SLA2: variants seen among roughly 807,000 people sequenced by gnomAD.
SLA2 encodes the protein Src like adaptor 2, also known as src-like-adapter 2.
SLA2 carries 22 observed loss-of-function variants against 27.3 expected under a neutral mutation model. That is an observed-to-expected ratio of 0.81 (90% confidence interval 0.58 to 1.15). The LOEUF (loss-of-function observed/expected upper bound fraction) is 1.15. Among genes scored for constraint, SLA2 ranks in the 50% most tolerant of loss-of-function variants. The pLI is 0.00. For missense variants in SLA2, 304 were observed against 322.2 expected (o/e 0.94, Z 0.43); for synonymous variants, 131 against 137.8 (o/e 0.95, Z 0.34).
chr20:36,622,368 CAAAA>C (rs963203328), intron 5 of SLA2, among the ~76,000 whole-genome samples: 7 of 133,352 alleles, frequency 5.2e-5, no homozygotes, highest in African/African-American at 2.2e-4. Context: ...AAAAAAAAAA[CAAAA>C]AACTGAAAAA....
chr20:36,614,995 G>A, intron 6 of SLA2: 1 of 985,406 alleles, frequency 1.0e-6, no homozygotes, highest in Non-Finnish European at 1.2e-6. Context: ...GGTAGGCAAG[G>A]TACTGACCTG....
intron 5 of SLA2, among the ~76,000 whole-genome samples, chr20:36,626,894 C>T (rs112269439): frequency 2.7e-5 from 4 of 150,188 alleles, no homozygotes; most frequent in African/African-American, 9.8e-5. Context: ...ATTATAGCTA[C>T]AGAAGAGGTA....
chr20:36,641,149 C>A, intron 2 of SLA2, 96 bp downstream of exon 2: 1 of 1,031,440 alleles, frequency 9.7e-7, no homozygotes, highest in South Asian at 1.3e-5. Flanking sequence ...GCGGTGCTTA[C>A]ACTGTGTTGG....
rs1319885325 is a variant in SLA2, at chr20:36,634,557, T to G, written c.124A>C (p.Ser42Arg). 1.2e-6 allele frequency: 2 copies of G among 1,611,370 alleles called. No individual in the cohort carries two copies. The highest frequency in any genetic ancestry group is 1.7e-6 in the Non-Finnish European group (2 of 1,178,410). The change falls in exon 3 of 8, where the codon AGT becomes CGT. Residue 42 changes from serine (S) to arginine (R), a missense_variant. Transcript: ENST00000262866. The part of the protein sequence containing the change: ...RSKATAVALG[S>R]FPAGGPAELS... ...TCGGCCGGGCCACCTGCCGGGAAAC[T>G]GCCCAGGGCCACGGCTGTGGCCTTG...
chr20:36,644,187 G>A (rs570903580), intron 1 of SLA2, among the ~76,000 whole-genome samples: 2 of 152,224 alleles, frequency 1.3e-5, no homozygotes, highest in East Asian at 1.9e-4. Flanking sequence ...GTCTTGCTGT[G>A]TTGCCCAGGC....
At chr20:36,619,990 A>G (rs867962935) in intron 5 of SLA2, among the ~76,000 whole-genome samples, 2 of 151,458 alleles carry the variant, frequency 1.3e-5, no homozygotes, top group African/African-American at 4.9e-5. Flanking sequence ...AGTCACAGCT[A>G]CTCAGGAGGC....
chr20:36,626,073 A>T (rs2039334028), intron 5 of SLA2, among the ~76,000 whole-genome samples: 1 of 151,910 alleles, frequency 6.6e-6, no homozygotes. Context: ...AAGACCAGCC[A>T]GGGCAACATG....
chr20:36,639,685 C>G (rs1332414181), intron 2 of SLA2, among the ~76,000 whole-genome samples: 1 of 150,106 alleles, frequency 6.7e-6, no homozygotes, highest in Admixed American at 6.6e-5. Context: ...AACCCTGTCT[C>G]TACTAAAAAT....
At chr20:36,614,559 C>T (rs2039185055) in intron 6 of SLA2, 122 bp from the exon 7 acceptor site, 1 of 1,471,454 alleles carries the variant, frequency 6.8e-7, no homozygotes, top group Non-Finnish European at 8.9e-7. Flanking sequence ...AGTGATAGGA[C>T]ATGAGCCCCA....
At chr20:36,627,942 G>A (rs1166582541) in intron 5 of SLA2, among the ~76,000 whole-genome samples, 1 of 152,178 alleles carries the variant, frequency 6.6e-6, no homozygotes, top group Non-Finnish European at 1.5e-5. Context: ...GCTGATCCTG[G>A]CATCACTCAC....
intron 5 of SLA2, among the ~76,000 whole-genome samples, chr20:36,622,477 T>C (rs1207831422): frequency 2.0e-5 from 3 of 150,060 alleles, no homozygotes; most frequent in African/African-American, 4.9e-5. Context: ...ATGAATAGAA[T>C]ATGTTAGTTT....
At chr20:36,634,711 C>G in intron 2 of SLA2, 122 bp from the exon 3 acceptor site, 1 of 546,738 alleles carries the variant, frequency 1.8e-6, no homozygotes, top group Non-Finnish European at 3.3e-6. Context: ...CTGAGGGAGT[C>G]CCATCCACTT....
At position 36,613,525 on chromosome 20, in the gene SLA2, C is replaced by T. The variant is rs1313062591; in HGVS notation, c.*341G>A. The T allele has an allele frequency of 1.5e-5, 3 of 195,830 alleles. No individual in the cohort carries two copies. The highest frequency in any genetic ancestry group is 7.0e-5 in the African/African-American group (3 of 42,806). The allele number at this position is 195,830 out of a possible 1,614,324, so 12.1% of individuals were successfully genotyped here. ...AATGGTGGGGATGTAGAATGGGGCT[C>T]AACAGGCAGGGCATCCAGATGGTAC... is the stretch of plus-strand genomic sequence containing the variant. On this transcript the variant is annotated 3_prime_UTR_variant, in exon 8 of 8. Coordinates refer to ENST00000262866, the MANE Select transcript of SLA2 (RefSeq NM_032214.4).
chr20:36,614,615 G>C, intron 6 of SLA2, 178 bp from the exon 7 acceptor site: 3 of 985,380 alleles, frequency 3.0e-6, no homozygotes, highest in Non-Finnish European at 3.6e-6. Context: ...GTCTTTCTGG[G>C]CTAACTTTTG....
intron 5 of SLA2, among the ~76,000 whole-genome samples, chr20:36,626,336 G>A (rs1320345249): frequency 6.6e-6 from 1 of 151,798 alleles, no homozygotes; most frequent in Non-Finnish European, 1.5e-5. Flanking sequence ...AGGTTGCAAT[G>A]AGCCGAGATT....
chr20:36,619,983 C>T (rs2039263180), intron 5 of SLA2, among the ~76,000 whole-genome samples: 1 of 151,406 alleles, frequency 6.6e-6, no homozygotes, highest in Non-Finnish European at 1.5e-5. Flanking sequence ...AGCCGATAGT[C>T]ACAGCTACTC....
chr20:36,621,335 G>A, intron 5 of SLA2: 2 of 615,930 alleles, frequency 3.2e-6, no homozygotes, highest in Non-Finnish European at 6.2e-6. Context: ...AAAGGAGGCA[G>A]TTTTGGTGGA....
chr20:36,644,679 C>T (rs1978286280), intron 1 of SLA2, among the ~76,000 whole-genome samples: 1 of 152,174 alleles, frequency 6.6e-6, no homozygotes, highest in African/African-American at 2.4e-5. Context: ...AAAGACCATA[C>T]AATGGGCCAG....
intron 5 of SLA2, chr20:36,620,499 G>T (rs1274446306): frequency 9.4e-6 from 2 of 212,494 alleles, no homozygotes; most frequent in Admixed American, 5.3e-5. Flanking sequence ...GTCGAAAAAA[G>T]GATTTGCTTT....
Sources: gnomAD v4.1 joint callset for allele counts (sites outside exome capture counted in the v4.1 genomes callset) on GRCh38, gnomAD v4.1.1 for gene constraint, MANE v1.5 for transcripts, NCBI Gene and HGNC (gene_info 2026-07-23, HGNC 2026-07-21) for gene names.